DHX15: variants seen among roughly 807,000 people sequenced by gnomAD.
DHX15 encodes the protein ATP-dependent RNA helicase DHX15.
Under a neutral mutation model 94.4 loss-of-function variants are expected in DHX15, and 11 were observed. The observed-to-expected ratio is 0.12, with a 90% CI of 0.07 to 0.19. The LOEUF (loss-of-function observed/expected upper bound fraction) is 0.19, where lower values mean the gene tolerates loss of function less well. Among genes scored for constraint, DHX15 ranks in the 10% least tolerant of loss-of-function variants. The pLI is 1.00. For synonymous variants in DHX15, 338 were observed against 329.9 expected (o/e 1.02, Z -0.27); for missense variants, 304 against 988.5 (o/e 0.31, Z 9.29).
At chr4:24,547,606 A>C (rs1398743076) in intron 6 of DHX15, among the ~76,000 whole-genome samples, 1 of 152,062 alleles carries the variant, frequency 6.6e-6, no homozygotes. Context: ...TTTAAAAATA[A>C]AACAAATACA....
intron 1 of DHX15, among the ~76,000 whole-genome samples, chr4:24,581,385 GA>G (rs375827729): frequency 1.3e-4 from 20 of 150,524 alleles, no homozygotes; most frequent in African/African-American, 3.2e-4. Flanking sequence ...TTTCTGAGTG[GA>G]AAAAAAAATC....
intron 6 of DHX15, 126 bp downstream of exon 6, chr4:24,548,729 A>G: frequency 2.3e-6 from 2 of 882,788 alleles, no homozygotes; most frequent in East Asian, 2.7e-5. Flanking sequence ...CTACAAATGG[A>G]TATTATTTTG....
chr4:24,528,957 A>G (rs966228574), intron 13 of DHX15, among the ~76,000 whole-genome samples: 5 of 152,120 alleles, frequency 3.3e-5, no homozygotes, highest in African/African-American at 1.2e-4. Flanking sequence ...TACTGACTTG[A>G]GAATCACAAC....
chr4:24,556,423 G>C lies in DHX15; in HGVS notation c.702-13C>G, dbSNP rs746103694. On this transcript the variant is annotated splice_polypyrimidine_tract_variant and intron_variant, in intron 3 of 13. Transcript: ENST00000336812. ...ATCAGTCATATACCTATATTCCAAA[G>C]AACATGTTGGTTAAAGGTTCCGTTA... The C allele has an allele frequency of 1.3e-6, 2 of 1,588,188 alleles. No individual in the cohort carries two copies. The highest frequency in any genetic ancestry group is 1.7e-6 in the Non-Finnish European group (2 of 1,164,776).
Position 24,576,598 on chromosome 4 carries a change from C to T in DHX15, c.152G>A (p.Arg51Gln). Residue 51 changes from arginine (R) to glutamine (Q), a missense_variant, in exon 2 of 14, where the codon CGA becomes CAA. Physicochemically the swap from Arg to Gln is conservative, Grantham distance 43 (BLOSUM62 1). Transcript: ENST00000336812. ...DRERDRGDRE[R>Q]EREKEKEKEL... is the part of the protein sequence containing the mutation. ...CTTCTCCTTTTCTTTCTCCCTCTCT[C>T]GCTCTCTATCTCCTCTATCACGTTC... 6.2e-7 allele frequency: 1 copy of T among 1,614,102 alleles called. No individual in the cohort carries two copies. Among genetic ancestry groups the T allele is most frequent in the Non-Finnish European group, 8.5e-7 (1 of 1,179,980 alleles).
Position 24,537,036 on chromosome 4 carries a change from C to A in DHX15, c.1909+15G>T. 1.9e-6 allele frequency: 3 copies of A among 1,610,176 alleles called. No individual in the cohort carries two copies. The South Asian group carries it at 3.3e-5, about 18-fold the overall frequency. On this transcript the variant is annotated intron_variant, in intron 11 of 13. Coordinates refer to ENST00000336812, the MANE Select transcript of DHX15 (RefSeq NM_001358.3). This position sits in a 1 kb window ranked among gnomAD's most constrained non-coding sequence, Gnocchi z 4.7. ...ACATTTAGACAAGAGTGTCTCCAAT[C>A]AAATTTACACTTACTTTGTTTAAAA...
chr4:24,562,532 T>C (rs1190995353), intron 3 of DHX15, among the ~76,000 whole-genome samples: 1 of 152,140 alleles, frequency 6.6e-6, no homozygotes, highest in Admixed American at 6.5e-5. Context: ...TAAAAATTGT[T>C]TAAAATAAAA....
intron 3 of DHX15, among the ~76,000 whole-genome samples, chr4:24,567,670 T>C (rs1039599272): frequency 6.6e-6 from 1 of 152,126 alleles, no homozygotes; most frequent in African/African-American, 2.4e-5. Context: ...CTCTCCTTCC[T>C]TACATCAAAA....
chr4:24,583,363 C>T (rs968066536), intron 1 of DHX15, among the ~76,000 whole-genome samples: 2 of 152,116 alleles, frequency 1.3e-5, no homozygotes, highest in African/African-American at 4.8e-5. Flanking sequence ...TCTCAACCTC[C>T]ACATGGGCGG....
In DHX15 at chr4:24,547,579, G is replaced by A. The variant is rs10008652; in HGVS notation, c.1248+1276C>T. The stretch of plus-strand genomic sequence containing the variant: ...TGTTGTACACCAGTTTCACTCAATG[G>A]TAAACAAACACAACGTTTTAAAAAT... On this transcript the variant is annotated intron_variant, in intron 6 of 13. Transcript: ENST00000336812. Among the ~76,000 whole-genome samples, 877 of 152,136 alleles carry A rather than the reference G, an allele frequency of 5.8e-3. 9 individuals carry two copies. Among genetic ancestry groups the A allele is most frequent in the African/African-American group, 0.02 (840 of 41,510 alleles).
At position 24,560,345 on chromosome 4, in the gene DHX15, C is replaced by T. The variant is rs144879376; in HGVS notation, c.702-3935G>A. Among the ~76,000 whole-genome samples, 202 of 152,108 alleles carry T rather than the reference C, an allele frequency of 1.3e-3. 1 individual carries two copies. Among genetic ancestry groups the T allele is most frequent in the Middle Eastern group, 6.8e-3 (2 of 292 alleles). On this transcript the variant is annotated intron_variant, in intron 3 of 13. Coordinates refer to ENST00000336812, the MANE Select transcript of DHX15 (RefSeq NM_001358.3). ...CCCTACCTCAAAGCTTATGATCCCT[C>T]CCCAGTAAAATTCCAGCTTGGTTAA...
chr4:24,552,866 C>G (rs911289517), intron 5 of DHX15, among the ~76,000 whole-genome samples: 24 of 152,206 alleles, frequency 1.6e-4, no homozygotes, highest in African/African-American at 5.5e-4. Context: ...CGGCTTACTC[C>G]CTTCCTTTCC....
At chr4:24,533,453 A>G (rs193081501) in intron 11 of DHX15, 82 of 233,492 alleles carry the variant, frequency 3.5e-4, no homozygotes, top group African/African-American at 1.8e-3. Flanking sequence ...ACTGCAAACA[A>G]TTGTTGTGTA....
chr4:24,575,334 T>G (rs1577351139), intron 2 of DHX15, among the ~76,000 whole-genome samples: 1 of 152,254 alleles, frequency 6.6e-6, no homozygotes, highest in South Asian at 2.1e-4. Flanking sequence ...GGTAATTCAC[T>G]TCAATACTTT....
intron 5 of DHX15, among the ~76,000 whole-genome samples, chr4:24,552,418 A>G (rs1366504180): frequency 3.3e-5 from 5 of 152,228 alleles, no homozygotes; most frequent in African/African-American, 1.2e-4. Flanking sequence ...CTATCTAGGC[A>G]ACACTTTAAA....
chr4:24,564,637 T>C (rs532042782), intron 3 of DHX15, among the ~76,000 whole-genome samples: 26 of 152,354 alleles, frequency 1.7e-4, no homozygotes, highest in African/African-American at 4.1e-4. Context: ...ATAATGTTTC[T>C]TTTATTGGTG....
intron 11 of DHX15, among the ~76,000 whole-genome samples, chr4:24,535,849 TTA>T (rs1353546180): frequency 6.6e-6 from 1 of 152,168 alleles, no homozygotes. Flanking sequence ...ACTGAGATGT[TTA>T]TGAGATAATA....
chr4:24,529,788 T>C lies in DHX15; in HGVS notation c.2101-18A>G. ...TGTGCCACCTGAAACCAAAACCCAG[T>C]ATATTATTAATACAATGCTTCTGAC... is the stretch of plus-strand genomic sequence containing the variant. On this transcript the variant is annotated intron_variant, in intron 12 of 13. Transcript: ENST00000336812. 6.2e-7 allele frequency: 1 copy of C among 1,613,328 alleles called. No homozygotes were observed. Among genetic ancestry groups the C allele is most frequent in the Non-Finnish European group, 8.5e-7 (1 of 1,179,280 alleles).
intron 6 of DHX15, among the ~76,000 whole-genome samples, chr4:24,543,948 T>C (rs562258921): frequency 2.6e-5 from 4 of 152,230 alleles, no homozygotes; most frequent in Admixed American, 2.6e-4. Context: ...TGATTAGACA[T>C]GGATAGAAAG....
Sources: allele counts gnomAD v4.1 joint callset (sites outside exome capture counted in the v4.1 genomes callset), GRCh38; gene constraint gnomAD v4.1.1; non-coding constraint Gnocchi (gnomAD v3.1); transcripts MANE v1.5; gene names NCBI Gene and HGNC (gene_info 2026-07-23, HGNC 2026-07-21).